The following SPATA18 variants were observed in gnomAD, a reference collection of about 807,000 sequenced individuals.
SPATA18 encodes spermatogenesis associated 18.
Under a neutral mutation model 68.1 loss-of-function variants are expected in SPATA18, and 54 were observed. The observed-to-expected ratio is 0.79, with a 90% confidence interval of 0.64 to 0.99. The LOEUF (loss-of-function observed/expected upper bound fraction) is 0.99. SPATA18 is among the 50% of genes least tolerant of loss of function. The pLI is 0.00. For missense variants in SPATA18, 724 were observed against 681.1 expected (o/e 1.06, Z -0.70); for synonymous variants, 242 against 244.8 (o/e 0.99, Z 0.11).
In SPATA18 at chr4:52,078,890, C is replaced by G. The variant is rs768862603; in HGVS notation, c.1176C>G (p.Val392=). The change falls in exon 8 of 13, where the codon GTC becomes GTG. Residue 392 remains valine (V), a synonymous_variant. Coordinates refer to ENST00000295213, the MANE Select transcript of SPATA18 (RefSeq NM_145263.4). ...ATCTATATGATTCTCAAAGCAGTGT[C>G]AATGTAAGTGTTGAGTCTTTTATTA... The part of the protein sequence containing the change: ...HLDLYDSQSS[V]NDVIRAMNVN... 6.4e-7 allele frequency: 1 copy of G among 1,574,442 alleles called. No individual in the cohort carries two copies. The highest frequency in any genetic ancestry group is 2.3e-5 in the East Asian group (1 of 44,044).
chr4:52,055,374 C>T (rs1012534839), intron 1 of SPATA18, among the ~76,000 whole-genome samples: 1 of 152,156 alleles, frequency 6.6e-6, no homozygotes, highest in Non-Finnish European at 1.5e-5. Flanking sequence ...TTATGGCTCT[C>T]ATTGCCAATA....
intron 4 of SPATA18, among the ~76,000 whole-genome samples, chr4:52,062,818 G>T (rs1456483585): frequency 2.0e-5 from 3 of 152,198 alleles, no homozygotes; most frequent in African/African-American, 7.2e-5. Flanking sequence ...GTGTATGTGT[G>T]CTTCTCTGAA....
chr4:52,062,114 G>A (rs565277256), intron 3 of SPATA18, 106 bp from the exon 4 acceptor site: 75 of 666,206 alleles, frequency 1.1e-4, no homozygotes, highest in African/African-American at 9.6e-4. Context: ...GCATGGAGCC[G>A]TGCATAATTG....
chr4:52,083,215 A>T, intron 10 of SPATA18: 1 of 985,162 alleles, frequency 1.0e-6, no homozygotes, highest in Non-Finnish European at 1.2e-6. Context: ...TGTAGTTTTT[A>T]CCCCTGCCTT....
chr4:52,071,928 T>C lies in SPATA18; in HGVS notation c.530T>C (p.Leu177Pro), dbSNP rs1339033872. 6.2e-7 allele frequency: 1 copy of C among 1,613,602 alleles called. No homozygotes were observed. Among genetic ancestry groups the C allele is most frequent in the African/African-American group, 1.3e-5 (1 of 74,970 alleles). The change falls in exon 6 of 13, where the codon CTT becomes CCT. Residue 177 changes from leucine to proline, a missense_variant. By Grantham distance (98) the Leu-to-Pro change is moderately conservative. Transcript: ENST00000295213. ...INQLKKQLKSLQAQEDARHRN... is the reference protein window; with the variant it reads ...INQLKKQLKSPQAQEDARHRN... ...TCTTTGCTGTTCAGGCTTAAATCTC[T>C]TCAAGCTCAGGAGGATGCCCGCCAC...
At chr4:52,065,843 A>T (rs184327898) in intron 4 of SPATA18, among the ~76,000 whole-genome samples, 7 of 152,358 alleles carry the variant, frequency 4.6e-5, no homozygotes, top group Admixed American at 3.9e-4. Context: ...CACAGGTTTG[A>T]TGAACCCCCA....
chr4:52,057,829 G>A (rs1221125292), intron 1 of SPATA18, among the ~76,000 whole-genome samples: 4 of 152,178 alleles, frequency 2.6e-5, no homozygotes, highest in Non-Finnish European at 5.9e-5. Flanking sequence ...GGTGCTGGGC[G>A]TGTATTATTT....
chr4:52,086,344 T>G (rs1204981216), intron 11 of SPATA18, among the ~76,000 whole-genome samples: 1 of 152,190 alleles, frequency 6.6e-6, no homozygotes, highest in Non-Finnish European at 1.5e-5. Context: ...CGTGCCCTGG[T>G]GGTTTGATGC....
rs3050629 is a variant in SPATA18, at chr4:52,061,487, A to AAATAATAATAATAATAAT, written c.309+608_309+625dup. On this transcript the variant is annotated intron_variant, in intron 3 of 12. Transcript: ENST00000295213. Reference sequence around the variant, plus strand: ...ATGTGTATCCCAGAACCTAAAGTAAAAATAATAATAATAATAATAATAATA... The same window carrying AAATAATAATAATAATAAT: ...ATGTGTATCCCAGAACCTAAAGTAAAAATAATAATAATAATAATAATAATAATAATAATAATAATAATA... 2.6e-3 allele frequency among the ~76,000 whole-genome samples: 370 copies of AAATAATAATAATAATAAT among 143,518 alleles called. 3 individuals are homozygous for AAATAATAATAATAATAAT. The highest frequency in any genetic ancestry group is 5.1e-3 in the South Asian group (22 of 4,348). The allele number at this position is 143,518 out of a possible 152,430, so 94.2% of individuals were successfully genotyped here. A position where few individuals can be genotyped will look rare whatever the true frequency, so the allele number is the denominator to read the frequency against.
chr4:52,051,856 G>C (rs1343625444), intron 1 of SPATA18, 65 bp downstream of exon 1: 1 of 1,464,720 alleles, frequency 6.8e-7, no homozygotes, highest in Non-Finnish European at 9.5e-7. Flanking sequence ...CCCTTGTCGG[G>C]GATTTCTTAG....
rs531862551 is a variant in SPATA18 at position 52,063,819 on chromosome 4, G to C, written c.422+1487G>C. Among the ~76,000 whole-genome samples the C allele has an allele frequency of 1.5e-4, 23 of 152,088 alleles. No individual in the cohort carries two copies. In the East Asian group the frequency reaches 3.9e-3, roughly 26 times the overall value. On this transcript the variant is annotated intron_variant, in intron 4 of 12. Transcript: ENST00000295213. ...TAGGCACTAGTGTCTCGTGCTGATG[G>C]GTCCTGAGTTGTGCATGTCTTGTCT... is the stretch of plus-strand genomic sequence containing the variant.
At chr4:52,062,197 T>G in intron 3 of SPATA18, 23 bp from the exon 4 acceptor site, 1 of 1,343,186 alleles carries the variant, frequency 7.4e-7, no homozygotes, top group Non-Finnish European at 1.0e-6. Flanking sequence ...TTTTTTTTTT[T>G]TTTTTTTGGT....
chr4:52,079,131 T>C (rs1740681717), intron 8 of SPATA18, among the ~76,000 whole-genome samples: 2 of 152,316 alleles, frequency 1.3e-5, no homozygotes, highest in South Asian at 4.1e-4. Context: ...GATCAGGAGA[T>C]GGAATATCAT....
chr4:52,084,138 A>G (rs1741209908), intron 10 of SPATA18, among the ~76,000 whole-genome samples: 1 of 152,132 alleles, frequency 6.6e-6, no homozygotes, highest in Non-Finnish European at 1.5e-5. Context: ...AATAAAACAT[A>G]CTTCTTGCTC....
At chr4:52,055,569 T>A (rs944365774) in intron 1 of SPATA18, among the ~76,000 whole-genome samples, 22 of 152,242 alleles carry the variant, frequency 1.4e-4, no homozygotes, top group African/African-American at 5.1e-4. Context: ...TTCTTTTTAG[T>A]ATTATTTGCT....
chr4:52,080,064 T>A, intron 9 of SPATA18, 145 bp downstream of exon 9: 1 of 834,568 alleles, frequency 1.2e-6, no homozygotes, highest in South Asian at 1.8e-5. Flanking sequence ...TATACTTCTC[T>A]GTACTCCAGG....
chr4:52,088,000 T>G (rs1002887874), intron 11 of SPATA18, among the ~76,000 whole-genome samples: 32 of 152,324 alleles, frequency 2.1e-4, no homozygotes, highest in Admixed American at 1.8e-3. Context: ...CCTTGTAAGT[T>G]GTATTCCTAG....
At chr4:52,064,975 G>A (rs1739198237) in intron 4 of SPATA18, among the ~76,000 whole-genome samples, 1 of 152,180 alleles carries the variant, frequency 6.6e-6, no homozygotes, top group Non-Finnish European at 1.5e-5. Flanking sequence ...TCTTGCAGGA[G>A]TAAGATGGTA....
chr4:52,085,037 C>T (rs1430289520), intron 11 of SPATA18, 38 bp downstream of exon 11: 4 of 1,420,402 alleles, frequency 2.8e-6, no homozygotes, highest in Admixed American at 2.4e-5. Flanking sequence ...CAAAATTCAT[C>T]TATGGTTGGC....
Sources: gnomAD v4.1 joint callset for allele counts (sites outside exome capture counted in the v4.1 genomes callset) on GRCh38, gnomAD v4.1.1 for gene constraint, MANE v1.5 for transcripts, NCBI Gene and HGNC (gene_info 2026-07-23, HGNC 2026-07-21) for gene names.